Variants in FSTL5 observed in about 807,000 individuals in gnomAD.
The protein encoded by FSTL5 is follistatin like 5.
In FSTL5, 62 loss-of-function variants were observed where a neutral mutation model predicts 89.1. That is an observed-to-expected ratio of 0.70 (90% CI 0.57 to 0.86). The LOEUF is 0.86. Among genes scored for constraint, FSTL5 ranks in the 40% least tolerant of loss-of-function variants. FSTL5 has a pLI of 0.00. For synonymous variants in FSTL5, 383 were observed against 346.2 expected (o/e 1.11, Z -1.18); for missense variants, 1,057 against 1,001.6 (o/e 1.06, Z -0.75).
At chr4:161,939,627 A>G (rs1427717682) in intron 3 of FSTL5, among the ~76,000 whole-genome samples, 3 of 151,968 alleles carry the variant, frequency 2.0e-5, no homozygotes, top group Non-Finnish European at 2.9e-5. Context: ...GGAAGAATTG[A>G]TTTTTGTTAC....
intron 1 of FSTL5, among the ~76,000 whole-genome samples, chr4:162,117,961 T>C (rs1441120763): frequency 6.6e-6 from 1 of 152,164 alleles, no homozygotes; most frequent in Admixed American, 6.5e-5. Context: ...GACAAGTGAG[T>C]CGAAAAATTA....
At chr4:161,947,391 C>CTA (rs1179777246) in intron 3 of FSTL5, among the ~76,000 whole-genome samples, 1 of 152,056 alleles carries the variant, frequency 6.6e-6, no homozygotes, top group African/African-American at 2.4e-5. Flanking sequence ...TGTTTTAAGA[C>CTA]TATGATACAT....
intron 8 of FSTL5, among the ~76,000 whole-genome samples, chr4:161,583,202 A>G (rs1185404769): frequency 1.3e-5 from 2 of 151,972 alleles, no homozygotes; most frequent in African/African-American, 4.8e-5. Flanking sequence ...CTCCGTCTCA[A>G]AATAAATAAA....
rs188727587 is a variant in FSTL5 at position 161,866,893 on chromosome 4, T to A, written c.409+53511A>T. Among the ~76,000 whole-genome samples, 333 of 152,098 alleles carry A rather than the reference T, an allele frequency of 2.2e-3. 2 individuals are homozygous for A. The highest frequency in any genetic ancestry group is 7.8e-3 in the African/African-American group (322 of 41,536). On this transcript the variant is annotated intron_variant, in intron 4 of 15. Coordinates refer to ENST00000306100, the MANE Select transcript of FSTL5 (RefSeq NM_020116.5). ...AATGATGATTTTTATAATTTATTAA[T>A]TTATATGCAGCAATTAAGTGGTAAC...
intron 2 of FSTL5, among the ~76,000 whole-genome samples, chr4:162,045,141 A>C (rs760649524): frequency 9.2e-5 from 14 of 152,172 alleles, no homozygotes; most frequent in Non-Finnish European, 1.6e-4. Flanking sequence ...TAACTTTCTC[A>C]GTAAGCTTAA....
chr4:162,025,433 T>C (rs1219371233), intron 3 of FSTL5, among the ~76,000 whole-genome samples: 1 of 152,114 alleles, frequency 6.6e-6, no homozygotes, highest in Non-Finnish European at 1.5e-5. Flanking sequence ...ATATTTACAT[T>C]ACAGGTTAGA....
intron 2 of FSTL5, among the ~76,000 whole-genome samples, chr4:162,101,220 C>A (rs2111382989): frequency 6.6e-6 from 1 of 152,310 alleles, no homozygotes; most frequent in South Asian, 2.1e-4. Context: ...AACTATCCCT[C>A]TGTTGCACAT....
chr4:162,055,742 T>A (rs1408848942), intron 2 of FSTL5, among the ~76,000 whole-genome samples: 2 of 151,882 alleles, frequency 1.3e-5, no homozygotes, highest in African/African-American at 2.4e-5. Flanking sequence ...CTTCTTATAG[T>A]TTTTACTACT....
At position 161,455,031 on chromosome 4, in the gene FSTL5, G is replaced by A. The variant is rs1174521105; in HGVS notation, c.1814C>T (p.Thr605Ile). The A allele has an allele frequency of 1.9e-6, 3 of 1,613,548 alleles. No individual in the cohort carries two copies. Among genetic ancestry groups the A allele is most frequent in the Non-Finnish European group, 2.5e-6 (3 of 1,179,734 alleles). The change falls in exon 15 of 16, where the codon ACC becomes ATC. Residue 605 changes from threonine to isoleucine, a missense_variant. By Grantham distance (89) the Thr-to-Ile change is moderately conservative (BLOSUM62 -1). Coordinates refer to ENST00000306100, the MANE Select transcript of FSTL5 (RefSeq NM_020116.5). ...FDRVDDFFIP[T>I]TTLIITHMRF... ...CATATGGGTGATAATGAGTGTTGTG[G>A]TGGGAATGAAAAAATCATCCACTCT...
rs1731080745 is a variant in FSTL5 at position 161,837,380 on chromosome 4, A to C, written c.410-61306T>G. Among the ~76,000 whole-genome samples the C allele has an allele frequency of 3.9e-5, 6 of 152,270 alleles. No homozygotes were observed. The South Asian group carries it at 1.2e-3, about 32-fold the overall frequency. The stretch of plus-strand genomic sequence containing the variant: ...ATTTAAAGATACATGAAAGCATAAA[A>C]ATCTCAAATACTATAAAAGTTAAAT... On this transcript the variant is annotated intron_variant, in intron 4 of 15. Transcript: ENST00000306100.
intron 5 of FSTL5, among the ~76,000 whole-genome samples, chr4:161,774,167 T>C (rs1741313951): frequency 6.6e-6 from 1 of 152,020 alleles, no homozygotes; most frequent in South Asian, 2.1e-4. Flanking sequence ...GAGGCAAGAC[T>C]AGGTAAAGAT....
chr4:162,053,467 A>G (rs1007911931), intron 2 of FSTL5, among the ~76,000 whole-genome samples: 1 of 151,828 alleles, frequency 6.6e-6, no homozygotes, highest in African/African-American at 2.4e-5. Flanking sequence ...AGAACTAGAC[A>G]AAACACATTT....
intron 3 of FSTL5, among the ~76,000 whole-genome samples, chr4:161,974,496 T>G (rs1320463735): frequency 7.5e-6 from 1 of 133,516 alleles, no homozygotes; most frequent in East Asian, 2.2e-4. Flanking sequence ...AAACAAGCAA[T>G]GGGGAAAGGA....
intron 4 of FSTL5, among the ~76,000 whole-genome samples, chr4:161,918,853 G>T (rs2110856779): frequency 6.6e-6 from 1 of 151,936 alleles, no homozygotes; most frequent in Non-Finnish European, 1.5e-5. Flanking sequence ...ATATTGGCCA[G>T]GCTGGTTTTG....
chr4:161,966,900 T>C (rs890426518), intron 3 of FSTL5, among the ~76,000 whole-genome samples: 10 of 152,156 alleles, frequency 6.6e-5, no homozygotes, highest in African/African-American at 1.7e-4. Flanking sequence ...CTTTCTCAAA[T>C]CATGCTTTAG....
In FSTL5 at chr4:161,932,551, G is replaced by A. The variant is rs111897098; in HGVS notation, c.161-11899C>T. On this transcript the variant is annotated intron_variant, in intron 3 of 15. Transcript: ENST00000306100. The stretch of plus-strand genomic sequence containing the variant: ...TATACATACATATATGTAAATATAT[G>A]TATGTTTGTATTTTAAAATCTCATG... Among the ~76,000 whole-genome samples the A allele has an allele frequency of 3.5e-3, 534 of 151,518 alleles. 2 individuals are homozygous for A. Among genetic ancestry groups the A allele is most frequent in the African/African-American group, 0.012 (512 of 41,394 alleles).
intron 3 of FSTL5, among the ~76,000 whole-genome samples, chr4:161,992,165 T>TA (rs1332751297): frequency 2.0e-5 from 3 of 152,164 alleles, no homozygotes; most frequent in Non-Finnish European, 4.4e-5. Context: ...TCACGCAAGA[T>TA]AAAGTAGGAG....
chr4:161,669,731 G>A (rs1737030685), intron 6 of FSTL5, among the ~76,000 whole-genome samples: 1 of 152,066 alleles, frequency 6.6e-6, no homozygotes. Flanking sequence ...CAGGTTTGGT[G>A]ATGACCATAT....
chr4:161,770,711 T>C (rs1328810816), intron 5 of FSTL5, among the ~76,000 whole-genome samples: 16 of 152,112 alleles, frequency 1.1e-4, no homozygotes, highest in Admixed American at 9.8e-4. Context: ...AATTTAAGTA[T>C]ATAATACTTC....
Sources: allele counts gnomAD v4.1 joint callset (sites outside exome capture counted in the v4.1 genomes callset), GRCh38; gene constraint gnomAD v4.1.1; transcripts MANE v1.5; gene names NCBI Gene and HGNC (gene_info 2026-07-23, HGNC 2026-07-21).